The following FAM50A variants were observed in gnomAD, a reference collection of about 807,000 sequenced individuals.
FAM50A encodes family with sequence similarity 50 member A, also known as protein FAM50A.
Under a neutral mutation model 35.5 loss-of-function variants are expected in FAM50A, and 6 were observed. The observed-to-expected ratio is 0.17, with a 90% CI of 0.09 to 0.33. The LOEUF (loss-of-function observed/expected upper bound fraction) is 0.33, where lower values mean the gene tolerates loss of function less well. Ranked by LOEUF, FAM50A falls within the 10% of genes least tolerant of loss-of-function variation. The pLI is 1.00. For missense variants in FAM50A, 145 were observed against 295.5 expected, an observed-to-expected ratio of 0.49 and a Z score of 3.73; for synonymous variants, 120 against 110.9, an observed-to-expected ratio of 1.08 and a Z score of -0.52.
At position 154,445,656 on chromosome X, in the gene FAM50A, T is replaced by C. The variant is rs1557199717; in HGVS notation, c.135T>C (p.Ile45=). 10 of 1,207,435 alleles carry C rather than the reference T, an allele frequency of 8.3e-6. No individual in the cohort carries two copies. Among genetic ancestry groups the C allele is most frequent in the Admixed American group, 4.4e-5 (2 of 45,893 alleles). Residue 45 remains isoleucine, a synonymous_variant, in exon 2 of 13, where the codon ATT becomes ATC. Coordinates refer to ENST00000393600, the MANE Select transcript of FAM50A (RefSeq NM_004699.4). ...IAEENIMKSN[I]DKKFSAHYDA... ...AGGAGAACATCATGAAATCCAACATTGACAAGAAGTTCTCTGCGCACTACG... is the reference window on the plus strand; with the variant it reads ...AGGAGAACATCATGAAATCCAACATCGACAAGAAGTTCTCTGCGCACTACG...
chrX:154,446,939 G>A (rs1417093610), intron 4 of FAM50A, among the ~76,000 whole-genome samples: 1 of 112,695 alleles, frequency 8.9e-6, no homozygotes, highest in Non-Finnish European at 1.9e-5. Context: ...GGCTGTCAGG[G>A]AAAGCTCAGG....
chrX:154,445,233 C>T (rs1295146351), intron 1 of FAM50A, among the ~76,000 whole-genome samples: 1 of 111,888 alleles, frequency 8.9e-6, no homozygotes, highest in African/African-American at 3.2e-5. Flanking sequence ...CTGTTGATGA[C>T]ATTCTGGGGC....
chrX:154,445,209 G>A (rs2068777555), intron 1 of FAM50A, among the ~76,000 whole-genome samples: 1 of 111,946 alleles, frequency 8.9e-6, no homozygotes, highest in Non-Finnish European at 1.9e-5. Flanking sequence ...GCCAAAGAGA[G>A]GCCTCCTGGG....
At chrX:154,447,897 CTG>C (rs1462308571) in intron 4 of FAM50A, among the ~76,000 whole-genome samples, 1 of 110,663 alleles carries the variant, frequency 9.0e-6, no homozygotes, top group Admixed American at 9.6e-5. Flanking sequence ...GTCACCCTCA[CTG>C]TGTGTCACTG....
chrX:154,448,064 TTTTC>T (rs1411165929), intron 4 of FAM50A, among the ~76,000 whole-genome samples: 18 of 92,569 alleles, frequency 1.9e-4, no homozygotes, highest in Non-Finnish European at 2.7e-4. Flanking sequence ...CTTTTCTTTT[TTTTC>T]TTTCTTTTTT....
At chrX:154,449,768 G>A (rs1557200299) in intron 9 of FAM50A, 33 bp downstream of exon 9, 1 of 1,197,792 alleles carries the variant, frequency 8.3e-7, no homozygotes, top group Admixed American at 2.2e-5. Flanking sequence ...CCCGCAGTGG[G>A]TGCAGCACCC....
chrX:154,445,672 G>A lies in FAM50A; in HGVS notation c.151G>A (p.Ala51Thr). The A allele has an allele frequency of 8.3e-7, 1 of 1,210,042 alleles. No individual in the cohort carries two copies. Among genetic ancestry groups the A allele is most frequent in the South Asian group, 1.8e-5 (1 of 56,944 alleles). ...ATCCAACATTGACAAGAAGTTCTCT[G>A]CGCACTACGACGCGGTGGAGGCAGA... The part of the protein sequence containing the change: ...MKSNIDKKFS[A>T]HYDAVEAELK... The change falls in exon 2 of 13, where the codon GCG becomes ACG. Residue 51 changes from alanine (A) to threonine (T), a missense_variant. Ala to Thr is a moderately conservative substitution (Grantham distance 58). Transcript: ENST00000393600.
At chrX:154,446,669 G>T in intron 4 of FAM50A, 109 bp downstream of exon 4, 1 of 1,040,154 alleles carries the variant, frequency 9.6e-7, no homozygotes, top group Non-Finnish European at 1.3e-6. Flanking sequence ...TCCAAAAGCT[G>T]CCCTCTTGAG....
chrX:154,444,355 C>T lies in FAM50A; in HGVS notation c.111+9C>T. ...AGCAGCGCATCGCGGAGGTGCGAGCCGGGGAGCCTCGGAGCATGCGCGCTG... is the reference window on the plus strand; with the variant it reads ...AGCAGCGCATCGCGGAGGTGCGAGCTGGGGAGCCTCGGAGCATGCGCGCTG... On this transcript the variant is annotated intron_variant, in intron 1 of 12. Coordinates refer to ENST00000393600, the MANE Select transcript of FAM50A (RefSeq NM_004699.4). The T allele has an allele frequency of 9.8e-7, 1 of 1,016,108 alleles. No individual in the cohort carries two copies. 83.7% of individuals were successfully genotyped at this position (1,016,108 alleles called of 1,213,427 possible). A position where few individuals can be genotyped will look rare whatever the true frequency, so the allele number is the denominator to read the frequency against.
intron 3 of FAM50A, 149 bp from the exon 4 acceptor site, chrX:154,446,266 G>A: frequency 1.9e-6 from 1 of 523,495 alleles, no homozygotes; most frequent in Non-Finnish European, 3.3e-6. Context: ...AAGTGATCCA[G>A]GACAGCAGGA....
rs781847663 is a variant in FAM50A at position 154,448,072 on chromosome X, C to CTTTTTTT, written c.443-404_443-398dup. Among the ~76,000 whole-genome samples, 310 of 82,821 alleles carry CTTTTTTT rather than the reference C, an allele frequency of 3.7e-3. 6 individuals carry two copies. The highest frequency in any genetic ancestry group is 6.0e-3 in the Non-Finnish European group (268 of 44,623). 71.9% of individuals were successfully genotyped at this position (82,821 alleles called of 115,157 possible). ...TGTTGTTCTTTTCTTTTTTTTCTTT[C>CTTTTTTT]TTTTTTTTTTTTTTGAGATGAGGTC... On this transcript the variant is annotated intron_variant, in intron 4 of 12. Transcript: ENST00000393600.
In FAM50A at chrX:154,446,988, C is replaced by T. The variant is rs372259962; in HGVS notation, c.442+428C>T. Among the ~76,000 whole-genome samples the T allele has an allele frequency of 5.7e-3, 637 of 112,449 alleles. 2 individuals carry two copies. Among genetic ancestry groups the T allele is most frequent in the Non-Finnish European group, 8.9e-3 (474 of 53,210 alleles). On this transcript the variant is annotated intron_variant, in intron 4 of 12. Coordinates refer to ENST00000393600, the MANE Select transcript of FAM50A (RefSeq NM_004699.4). ...GAGGGTAAAGCCAGCCTGGCCTCCA[C>T]GTGTGCCACACACCTGTGCTGTGCC...
rs781785747 is a variant in FAM50A at position 154,444,203 on chromosome X, CCCGCCGCCGCCGCCG to C, written c.-19_-5del. 5 of 640,002 alleles carry C rather than the reference CCCGCCGCCGCCGCCG, an allele frequency of 7.8e-6. No homozygotes were observed. The highest frequency in any genetic ancestry group is 5.0e-5 in the African/African-American group (2 of 39,668). The allele number at this position is 640,002 out of a possible 1,213,427, so 52.7% of individuals were successfully genotyped here. On this transcript the variant is annotated 5_prime_UTR_variant, in exon 1 of 13. Coordinates refer to ENST00000393600, the MANE Select transcript of FAM50A (RefSeq NM_004699.4). ...GCTGTCGCTGTCGCCGCCGCCGCCG[CCCGCCGCCGCCGCCG>C]CCGCCGCCGCCGCTGCCATGGCTCA...
At chrX:154,446,118 C>T (rs2068781740) in intron 3 of FAM50A, 1 of 444,168 alleles carries the variant, frequency 2.3e-6, no homozygotes, top group Non-Finnish European at 3.9e-6. Flanking sequence ...TCTTTCTGAC[C>T]CTCTAAATGC....
At chrX:154,448,072 CTTT>C (rs781847663) in intron 4 of FAM50A, among the ~76,000 whole-genome samples, 2 of 82,871 alleles carry the variant, frequency 2.4e-5, no homozygotes, top group African/African-American at 5.6e-5. Flanking sequence ...TTTTTTCTTT[CTTT>C]TTTTTTTTTT....
Position 154,448,740 on chromosome X carries a change from G to T in FAM50A, c.570G>T (p.Lys190Asn), listed in dbSNP as rs782659963. The T allele has an allele frequency of 3.3e-6, 4 of 1,210,187 alleles. No homozygotes were observed. The highest frequency in any genetic ancestry group is 4.5e-6 in the Non-Finnish European group (4 of 894,850). ...AGCTGCGGCAGGAGTGGGAAGCCAAGCAGGAGAAGATCAAGAGTGAGTGTT... is the reference window on the plus strand; with the variant it reads ...AGCTGCGGCAGGAGTGGGAAGCCAATCAGGAGAAGATCAAGAGTGAGTGTT... ...REELRQEWEAKQEKIKSEEIE... is the reference protein window; with the variant it reads ...REELRQEWEANQEKIKSEEIE... Residue 190 changes from lysine to asparagine, a missense_variant, in exon 6 of 13, where the codon AAG (lysine) becomes AAT (asparagine). Physicochemically the swap from Lys to Asn is moderately conservative, Grantham distance 94 (BLOSUM62 0). Coordinates refer to ENST00000393600, the MANE Select transcript of FAM50A (RefSeq NM_004699.4).
intron 4 of FAM50A, 148 bp downstream of exon 4, chrX:154,446,708 A>G: frequency 1.2e-6 from 1 of 858,937 alleles, no homozygotes; most frequent in Non-Finnish European, 1.6e-6. Context: ...CGGGGAGGGA[A>G]GAGGCTGGTC....
At chrX:154,449,818 C>T (rs1030954090) in intron 9 of FAM50A, 65 bp from the exon 10 acceptor site, 39 of 1,158,294 alleles carry the variant, frequency 3.4e-5, no homozygotes, top group East Asian at 1.2e-4. Context: ...TGTGCGCAGG[C>T]GGGGGGTGTG....
At chrX:154,450,144 C>A in intron 11 of FAM50A, 45 bp downstream of exon 11, 1 of 1,200,200 alleles carries the variant, frequency 8.3e-7, no homozygotes, top group Middle Eastern at 2.3e-4. Flanking sequence ...TGTCCCTGGG[C>A]TATGGAGGAG....
Sources: allele counts gnomAD v4.1 joint callset (sites outside exome capture counted in the v4.1 genomes callset), GRCh38; gene constraint gnomAD v4.1.1; transcripts MANE v1.5; gene names NCBI Gene and HGNC (gene_info 2026-07-23, HGNC 2026-07-21).